The following RAB44 variants were observed in gnomAD, a reference collection of about 807,000 sequenced individuals.
RAB44 encodes RAB44, member RAS oncogene family.
In RAB44, 67 loss-of-function variants were observed where a neutral mutation model predicts 93.3. That is an observed-to-expected ratio of 0.72 (90% CI 0.59 to 0.88). RAB44 has a LOEUF of 0.88. Among genes scored for constraint, RAB44 ranks in the 40% least tolerant of loss-of-function variants. The pLI, the probability that RAB44 is intolerant of heterozygous loss-of-function variation, is 0.00. For synonymous variants in RAB44, 427 were observed against 520.3 expected (o/e 0.82, Z 2.44); for missense variants, 1,064 against 1,261.7 (o/e 0.84, Z 2.37).
At chr6:36,728,558 G>A (rs1763289618) in intron 11 of RAB44, 142 bp from the exon 12 acceptor site, 2 of 653,548 alleles carry the variant, frequency 3.1e-6, no homozygotes, top group Admixed American at 5.0e-5. Context: ...ATGGGGGAAA[G>A]GGTCCAGGTG....
intron 9 of RAB44, among the ~76,000 whole-genome samples, chr6:36,724,369 C>T (rs756527684): frequency 1.1e-4 from 16 of 151,936 alleles, no homozygotes; most frequent in Non-Finnish European, 1.8e-4. Flanking sequence ...AGTTTCACCA[C>T]GTTGGCCAGG....
In RAB44 at chr6:36,731,314, A is replaced by T. The variant is rs941679890; in HGVS notation, c.2975+565A>T. ...TTTGTGTCCTTCATGGCCCTTCTTG[A>T]CACGACACATATTAATGATATATGC... On this transcript the variant is annotated intron_variant, in intron 13 of 13. Transcript: ENST00000612677. This position sits in a 1 kb window ranked among gnomAD's most constrained non-coding sequence, Gnocchi z 4.0. Among the ~76,000 whole-genome samples, 3 of 152,020 alleles carry T rather than the reference A, an allele frequency of 2.0e-5. No homozygotes were observed. The East Asian group carries it at 5.8e-4, about 29-fold the overall frequency.
At chr6:36,705,916 A>G (rs1165079368) in intron 2 of RAB44, among the ~76,000 whole-genome samples, 3 of 143,372 alleles carry the variant, frequency 2.1e-5, no homozygotes, top group African/African-American at 7.8e-5. Context: ...TTTTTTTTTT[A>G]AGAGATAGGA....
rs907874500 is a variant in RAB44 at position 36,722,526 on chromosome 6, G to T, written c.2392G>T (p.Glu798Ter). Residue 798 changes from glutamate (E) to a stop codon, truncating the protein, a stop_gained, in exon 9 of 14, where the codon GAG becomes TAG. Coordinates refer to ENST00000612677, the MANE Select transcript of RAB44 (RefSeq NM_001257357.2). LOFTEE classifies it high-confidence loss of function. Reference sequence around the variant, plus strand: ...GCCTCACTCCAGGGAACCAAGGGCAGAGAGCAGGCTTGAAGATCCAGGAAT... The same window carrying T: ...GCCTCACTCCAGGGAACCAAGGGCATAGAGCAGGCTTGAAGATCCAGGAAT... The part of the protein sequence containing the change: ...GPPHSREPRA[E>*]SRLEDPGMDS... The T allele has an allele frequency of 5.2e-6, 8 of 1,528,806 alleles. No homozygotes were observed. Among genetic ancestry groups the T allele is most frequent in the Non-Finnish European group, 7.0e-6 (8 of 1,135,330 alleles). 94.7% of individuals were successfully genotyped at this position (1,528,806 alleles called of 1,614,324 possible).
At chr6:36,710,198 T>C (rs536451052) in intron 2 of RAB44, among the ~76,000 whole-genome samples, 1 of 152,302 alleles carries the variant, frequency 6.6e-6, no homozygotes, top group South Asian at 2.1e-4. Flanking sequence ...GAACAGTAAC[T>C]CCCATACTTC....
In RAB44 at chr6:36,722,239, G is replaced by A; in HGVS notation, c.2105G>A (p.Gly702Asp). The A allele has an allele frequency of 3.1e-6, 4 of 1,272,894 alleles. No individual in the cohort carries two copies. The highest frequency in any genetic ancestry group is 4.0e-4 in the Middle Eastern group (2 of 4,976). 78.8% of individuals were successfully genotyped at this position (1,272,894 alleles called of 1,614,324 possible). A position where few individuals can be genotyped will look rare whatever the true frequency, so the allele number is the denominator to read the frequency against. ...TCAGAGCAGTCGGTTGAGGCTCACGGCCTAGAAACTGCGCATTCGGAACTC... is the reference window on the plus strand; with the variant it reads ...TCAGAGCAGTCGGTTGAGGCTCACGACCTAGAAACTGCGCATTCGGAACTC... ...EQSEQSVEAH[G>D]LETAHSELPQ... Residue 702 changes from glycine (G) to aspartate (D), a missense_variant, in exon 9 of 14, where the codon GGC becomes GAC. Physicochemically the swap from Gly to Asp is moderately conservative, Grantham distance 94. Transcript: ENST00000612677.
chr6:36,704,413 AG>A lies in RAB44; in HGVS notation c.182del (p.Gly61AlafsTer24), dbSNP rs1160617588. On this transcript the variant is annotated frameshift_variant, in exon 2 of 14. Coordinates refer to ENST00000612677, the MANE Select transcript of RAB44 (RefSeq NM_001257357.2). LOFTEE classifies it high-confidence loss of function. ...CTTCCAGGACTGTGGTGCCAAGGAG[AG>A]GGGCTTTGTCACCCGCGAGGACCTG... is the stretch of plus-strand genomic sequence containing the variant. ...AFFQDCGAKERGFVTREDLAV... is the reference protein window; with the variant it reads ...AFFQDCGAKEXGFVTREDLAV... The A allele has an allele frequency of 1.2e-5, 19 of 1,535,672 alleles. No homozygotes were observed. The highest frequency in any genetic ancestry group is 5.9e-5 in the Admixed American group (3 of 50,962).
intron 4 of RAB44, 147 bp downstream of exon 4, chr6:36,715,800 C>A: frequency 1.3e-6 from 1 of 764,734 alleles, no homozygotes; most frequent in Non-Finnish European, 2.1e-6. Flanking sequence ...GCTGTGTGAC[C>A]ACAGGGATGG....
intron 2 of RAB44, among the ~76,000 whole-genome samples, chr6:36,710,398 T>G (rs1437937866): frequency 6.6e-6 from 1 of 152,202 alleles, no homozygotes; most frequent in Non-Finnish European, 1.5e-5. Flanking sequence ...AAAGACCAAA[T>G]GATATTCCGT....
At chr6:36,710,320 T>C (rs1238746126) in intron 2 of RAB44, among the ~76,000 whole-genome samples, 4 of 152,250 alleles carry the variant, frequency 2.6e-5, no homozygotes, top group Non-Finnish European at 1.5e-5. Flanking sequence ...TAGTTACTGG[T>C]GTATTTCACA....
Position 36,722,063 on chromosome 6 carries a change from G to A in RAB44, c.1929G>A (p.Glu643=), listed in dbSNP as rs1051873519. The change falls in exon 9 of 14, where the codon GAG becomes GAA. Residue 643 remains glutamate (E), a synonymous_variant. Transcript: ENST00000612677. ...GCCAGGCGGGCCCAGCGGTGCAGGAGGGCCTTCCTGAGGGGCTAAGAGAAG... is the reference window on the plus strand; with the variant it reads ...GCCAGGCGGGCCCAGCGGTGCAGGAAGGCCTTCCTGAGGGGCTAAGAGAAG... ...EQGQAGPAVQ[E]GLPEGLREAH... is the part of the protein sequence containing the mutation. 1.6e-6 allele frequency: 2 copies of A among 1,234,676 alleles called. No individual in the cohort carries two copies. Among genetic ancestry groups the A allele is most frequent in the Non-Finnish European group, 2.0e-6 (2 of 988,596 alleles). The allele number at this position is 1,234,676 out of a possible 1,614,324, so 76.5% of individuals were successfully genotyped here.
intron 1 of RAB44, among the ~76,000 whole-genome samples, chr6:36,701,573 C>T (rs890729139): frequency 6.6e-6 from 1 of 152,224 alleles, no homozygotes; most frequent in Non-Finnish European, 1.5e-5. Context: ...CTGGAGCTCA[C>T]TGCTAAGCTA....
chr6:36,703,467 T>C (rs1439960575), intron 1 of RAB44, among the ~76,000 whole-genome samples: 2 of 151,994 alleles, frequency 1.3e-5, no homozygotes, highest in Non-Finnish European at 2.9e-5. Context: ...GTATTAACTA[T>C]GTAAGGGAGT....
At chr6:36,709,445 G>C (rs1020706385) in intron 2 of RAB44, among the ~76,000 whole-genome samples, 1 of 152,124 alleles carries the variant, frequency 6.6e-6, no homozygotes, top group Non-Finnish European at 1.5e-5. Flanking sequence ...AGAATAACCA[G>C]ACAATTTCAC....
chr6:36,705,110 C>CAAAAA (rs759512832), intron 2 of RAB44, among the ~76,000 whole-genome samples: 1 of 85,500 alleles, frequency 1.2e-5, no homozygotes. Context: ...GACTCCATCT[C>CAAAAA]AAAAAAAAAA....
Position 36,725,845 on chromosome 6 carries a change from C to A in RAB44, c.2600-17C>A. 1 of 1,542,808 alleles carries A rather than the reference C, an allele frequency of 6.5e-7. No individual in the cohort carries two copies. Among genetic ancestry groups the A allele is most frequent in the Non-Finnish European group, 8.8e-7 (1 of 1,139,944 alleles). ...GATGGTAACTTAGTAGGCTTCACCC[C>A]TCTCTATGTGTCCTAGGAGTAGATT... is the stretch of plus-strand genomic sequence containing the variant. On this transcript the variant is annotated splice_polypyrimidine_tract_variant and intron_variant, in intron 9 of 13. Coordinates refer to ENST00000612677, the MANE Select transcript of RAB44 (RefSeq NM_001257357.2).
At chr6:36,708,042 C>T (rs1299344163) in intron 2 of RAB44, among the ~76,000 whole-genome samples, 1 of 151,938 alleles carries the variant, frequency 6.6e-6, no homozygotes, top group Non-Finnish European at 1.5e-5. Context: ...GAGATTCCAT[C>T]CTATAAAAAG....
Position 36,722,467 on chromosome 6 carries a change from C to A in RAB44, c.2333C>A (p.Ser778Tyr). The A allele has an allele frequency of 4.8e-6, 7 of 1,448,316 alleles. No homozygotes were observed. The highest frequency in any genetic ancestry group is 5.4e-6 in the Non-Finnish European group (6 of 1,102,704). The allele number at this position is 1,448,316 out of a possible 1,614,324, so 89.7% of individuals were successfully genotyped here. The change falls in exon 9 of 14, where the codon TCC (serine) becomes TAC (tyrosine). Residue 778 changes from serine to tyrosine, a missense_variant. Physicochemically the swap from Ser to Tyr is moderately radical, Grantham distance 144 (BLOSUM62 -2). Coordinates refer to ENST00000612677, the MANE Select transcript of RAB44 (RefSeq NM_001257357.2). Reference protein sequence around the residue: ...MAEQEAQPRPSLTTAHAEEQG... With the variant: ...MAEQEAQPRPYLTTAHAEEQG... ...GAGCAGGAAGCCCAACCCAGGCCAT[C>A]CCTCACGACTGCTCACGCAGAAGAA...
Position 36,721,906 on chromosome 6 carries a change from AGGACC to A in RAB44, c.1773_1777del (p.Gln591HisfsTer7), listed in dbSNP as rs1290134527. 12 of 1,234,978 alleles carry A rather than the reference AGGACC, an allele frequency of 9.7e-6. No individual in the cohort carries two copies. The highest frequency in any genetic ancestry group is 1.2e-5 in the Non-Finnish European group (12 of 988,664). 76.5% of individuals were successfully genotyped at this position (1,234,978 alleles called of 1,614,324 possible). A position where few individuals can be genotyped will look rare whatever the true frequency, so the allele number is the denominator to read the frequency against. ...CCCAGGCAGAGAGATGCCCTCCAGC[AGGACC>A]TGCATGCCACTGGCTCTGAGCCAAG... On this transcript the variant is annotated frameshift_variant, in exon 9 of 14. Coordinates refer to ENST00000612677, the MANE Select transcript of RAB44 (RefSeq NM_001257357.2). LOFTEE classifies it high-confidence loss of function.
Sources: gnomAD v4.1 joint callset for allele counts (sites outside exome capture counted in the v4.1 genomes callset) on GRCh38, gnomAD v4.1.1 for gene constraint, Gnocchi (gnomAD v3.1) non-coding constraint, MANE v1.5 for transcripts, NCBI Gene and HGNC (gene_info 2026-07-23, HGNC 2026-07-21) for gene names.